Variants in MED13L observed in about 807,000 individuals in gnomAD.
MED13L encodes mediator of RNA polymerase II transcription subunit 13-like.
In MED13L, 7 loss-of-function variants were observed where a neutral mutation model predicts 220.9. The observed-to-expected ratio is 0.03, with a 90% CI of 0.02 to 0.06. The LOEUF (loss-of-function observed/expected upper bound fraction) is 0.06, where lower values mean the gene tolerates loss of function less well. Among genes scored for constraint, MED13L ranks in the 10% least tolerant of loss-of-function variants. MED13L has a pLI of 1.00. For missense variants in MED13L, 1,965 were observed against 2,760.5 expected (o/e 0.71, Z 6.46); for synonymous variants, 1,011 against 1,015.2 (o/e 1.00, Z 0.08).
In MED13L at chr12:115,960,981, A is replaced by G. The variant is rs182172437; in HGVS notation, c.*285T>C. ...GTTTCCCGCTGAAAAGCCATCAACCACCACCACTTCCTGGGGACCAGTGGT... is the reference window on the plus strand; with the variant it reads ...GTTTCCCGCTGAAAAGCCATCAACCGCCACCACTTCCTGGGGACCAGTGGT... On this transcript the variant is annotated 3_prime_UTR_variant, in exon 31 of 31. Coordinates refer to ENST00000281928, the MANE Select transcript of MED13L (RefSeq NM_015335.5). 578 of 448,582 alleles carry G rather than the reference A, an allele frequency of 1.3e-3. 6 individuals are homozygous for G. Among genetic ancestry groups the G allele is most frequent in the African/African-American group, 0.01 (505 of 50,184 alleles). The allele number at this position is 448,582 out of a possible 1,614,324, so 27.8% of individuals were successfully genotyped here.
intron 1 of MED13L, among the ~76,000 whole-genome samples, chr12:116,258,777 G>GA (rs558738933): frequency 0.011 from 603 of 56,046 alleles, 3 homozygotes; most frequent in South Asian, 0.042. Context: ...CTCCATCTCA[G>GA]AAAAAAAAAA....
At chr12:116,191,903 C>A (rs1441626814) in intron 2 of MED13L, among the ~76,000 whole-genome samples, 1 of 152,002 alleles carries the variant, frequency 6.6e-6, no homozygotes, top group Non-Finnish European at 1.5e-5. Flanking sequence ...ATTTTCAAAT[C>A]ACCGAGGAAC....
chr12:116,141,733 T>G (rs1877093582), intron 2 of MED13L, among the ~76,000 whole-genome samples: 2 of 152,168 alleles, frequency 1.3e-5, no homozygotes, highest in African/African-American at 2.4e-5. Flanking sequence ...GCTTCTGTGC[T>G]GGCTCTCCCC....
rs578061640 is a variant in MED13L at position 115,961,823 on chromosome 12, TAGTC to T, written c.6501-429_6501-426del. On this transcript the variant is annotated intron_variant, in intron 30 of 30. Transcript: ENST00000281928. ...CCATCTCTATTAAAAATACAAAAAT[TAGTC>T]AGGCGTGGTGGTGCATGCCTGTAAT... 5.3e-5 allele frequency among the ~76,000 whole-genome samples: 8 copies of T among 151,982 alleles called. 1 individual carries two copies. In the South Asian group the frequency reaches 1.5e-3, roughly 28 times the overall value.
Position 115,991,696 on chromosome 12 carries a change from G to A in MED13L, c.3258C>T (p.Pro1086=), listed in dbSNP as rs1477751856. ...STDQGSPAST[P]STTRPLNSVE... ...CAGAGTTGAGGGGCCGTGTAGTAGAGGGGGTGGAGGCTGGTGATCCTTGAT... is the reference window on the plus strand; with the variant it reads ...CAGAGTTGAGGGGCCGTGTAGTAGAAGGGGTGGAGGCTGGTGATCCTTGAT... The change falls in exon 17 of 31, where the codon CCC becomes CCT. Residue 1086 remains proline (P), a synonymous_variant. Transcript: ENST00000281928. The surrounding 1 kb of genome is among the most constrained non-coding windows in gnomAD (Gnocchi z 7.7). 1 of 1,613,834 alleles carries A rather than the reference G, an allele frequency of 6.2e-7. No homozygotes were observed.
intron 2 of MED13L, among the ~76,000 whole-genome samples, chr12:116,112,501 C>T (rs369084639): frequency 4.6e-5 from 7 of 152,314 alleles, no homozygotes; most frequent in African/African-American, 9.6e-5. Context: ...AAAAACTACA[C>T]ATTCAGGCCT....
At chr12:116,052,080 C>CACACACAT (rs2137589617) in intron 4 of MED13L, among the ~76,000 whole-genome samples, 1 of 102,388 alleles carries the variant, frequency 9.8e-6, no homozygotes, top group African/African-American at 3.1e-5. Flanking sequence ...TACACACATA[C>CACACACAT]ACACACACAC....
intron 1 of MED13L, among the ~76,000 whole-genome samples, chr12:116,257,838 T>C (rs1221120025): frequency 1.3e-5 from 2 of 152,172 alleles, no homozygotes; most frequent in Non-Finnish European, 2.9e-5. Context: ...CAATAAGCTA[T>C]CTTTATAATT....
At position 116,005,975 on chromosome 12, in the gene MED13L, G is replaced by C. The variant is rs1299165203; in HGVS notation, c.2363C>G (p.Ala788Gly). The change falls in exon 13 of 31, where the codon GCT (alanine) becomes GGT (glycine). Residue 788 changes from alanine to glycine, a missense_variant. By Grantham distance (60) the Ala-to-Gly change is moderately conservative. This residue lies in a region of MED13L where 818 missense variants were observed against 1,041.2 expected (regional missense o/e 0.79). Transcript: ENST00000281928. ...ATKTDVRQDN[A>G]AGRAGSSSLT... ...GCTACTGGAGCCAGCTCTGCCAGCA[G>C]CATTATCCTGCCGGACATCTGTAGG... 4.3e-6 allele frequency: 7 copies of C among 1,613,942 alleles called. No homozygotes were observed. The highest frequency in any genetic ancestry group is 5.9e-6 in the Non-Finnish European group (7 of 1,179,868).
In MED13L at chr12:116,270,473, A is replaced by G. The variant is rs1019597800; in HGVS notation, c.72+6587T>C. ...TAATCTTAAAGTTCAGTAATAAAAC[A>G]AGGGAGTAAAGGAACACGAATTTTA... On this transcript the variant is annotated intron_variant, in intron 1 of 30. Coordinates refer to ENST00000281928, the MANE Select transcript of MED13L (RefSeq NM_015335.5). Among the ~76,000 whole-genome samples, 11 of 152,244 alleles carry G rather than the reference A, an allele frequency of 7.2e-5. No individual in the cohort carries two copies. The East Asian group carries it at 2.1e-3, about 29-fold the overall frequency.
At chr12:116,109,760 T>TG (rs1329579077) in intron 3 of MED13L, among the ~76,000 whole-genome samples, 6 of 152,174 alleles carry the variant, frequency 3.9e-5, no homozygotes, top group African/African-American at 1.2e-4. Context: ...TTAGAATACT[T>TG]AAGAGTACTC....
At chr12:116,067,717 G>A (rs1242685296) in intron 4 of MED13L, among the ~76,000 whole-genome samples, 4 of 152,152 alleles carry the variant, frequency 2.6e-5, no homozygotes, top group Non-Finnish European at 5.9e-5. Context: ...TTTGTGGCAT[G>A]GCTATCTATG....
chr12:116,259,061 A>T (rs936362910), intron 1 of MED13L, among the ~76,000 whole-genome samples: 1 of 152,132 alleles, frequency 6.6e-6, no homozygotes, highest in African/African-American at 2.4e-5. Flanking sequence ...ATAGCTTTCC[A>T]ATTTTAATGT....
At chr12:116,062,703 G>T (rs1046352442) in intron 4 of MED13L, among the ~76,000 whole-genome samples, 1 of 152,036 alleles carries the variant, frequency 6.6e-6, no homozygotes, top group Non-Finnish European at 1.5e-5. Context: ...GGCCAGGATG[G>T]TCTCGATCTC....
chr12:116,196,284 T>G (rs970951601), intron 2 of MED13L, among the ~76,000 whole-genome samples: 1 of 151,970 alleles, frequency 6.6e-6, no homozygotes, highest in Non-Finnish European at 1.5e-5. Context: ...CCAAATTGTG[T>G]ACAGAATACA....
chr12:116,162,422 A>G (rs1354657922), intron 2 of MED13L, among the ~76,000 whole-genome samples: 1 of 152,192 alleles, frequency 6.6e-6, no homozygotes, highest in African/African-American at 2.4e-5. Flanking sequence ...TTGACACAAG[A>G]GTAAAAGTGG....
rs187309577 is a variant in MED13L at position 115,975,751 on chromosome 12, C to T, written c.5365-13G>A. The T allele has an allele frequency of 5.1e-4, 814 of 1,609,214 alleles. 10 individuals carry two copies. Among genetic ancestry groups the T allele is most frequent in the Non-Finnish European group, 4.4e-5 (52 of 1,176,380 alleles). On this transcript the variant is annotated splice_polypyrimidine_tract_variant and intron_variant, in intron 23 of 30. Transcript: ENST00000281928. ...TTGGGCTGGGCCGCTGAAATCAAAA[C>T]CAAAATCAATATCAGTACAAAGCCA...
At position 116,256,242 on chromosome 12, in the gene MED13L, C is replaced by A. The variant is rs554629082; in HGVS notation, c.73-18537G>T. Among the ~76,000 whole-genome samples, 5 of 149,624 alleles carry A rather than the reference C, an allele frequency of 3.3e-5. No individual in the cohort carries two copies. The South Asian group carries it at 1.1e-3, about 31-fold the overall frequency. On this transcript the variant is annotated intron_variant, in intron 1 of 30. Coordinates refer to ENST00000281928, the MANE Select transcript of MED13L (RefSeq NM_015335.5). Reference sequence around the variant, plus strand: ...ACAAAAAGCAGTACATTAATTTTCACAGCCAACAGCAAATTGTGGCATATC... The same window carrying A: ...ACAAAAAGCAGTACATTAATTTTCAAAGCCAACAGCAAATTGTGGCATATC...
At chr12:116,198,187 T>C (rs1346370410) in intron 2 of MED13L, among the ~76,000 whole-genome samples, 1 of 152,174 alleles carries the variant, frequency 6.6e-6, no homozygotes, top group Non-Finnish European at 1.5e-5. Flanking sequence ...AAAATTCTTT[T>C]TAAAATATTT....
Sources: gnomAD v4.1 joint callset for allele counts (sites outside exome capture counted in the v4.1 genomes callset) on GRCh38, gnomAD v4.1.1 for gene constraint, gnomAD v4.1.1 regional missense constraint, Gnocchi (gnomAD v3.1) non-coding constraint, MANE v1.5 for transcripts, NCBI Gene and HGNC (gene_info 2026-07-23, HGNC 2026-07-21) for gene names.